CWC27: variants seen among roughly 807,000 people sequenced by gnomAD.
CWC27 encodes CWC27 spliceosome associated cyclophilin.
In CWC27, 47 loss-of-function variants were observed where a neutral mutation model predicts 63.6. The ratio of observed to expected loss-of-function variants is 0.74; its 90% CI spans 0.58 to 0.94. The LOEUF (loss-of-function observed/expected upper bound fraction) is 0.94, where lower values mean the gene tolerates loss of function less well. Ranked by LOEUF, CWC27 falls within the 40% of genes least tolerant of loss-of-function variation. The probability of loss-of-function intolerance (pLI) is 0.00; values close to 1 mark genes in which losing one functional copy is unlikely to be tolerated. For missense variants in CWC27, 495 were observed against 554.3 expected (o/e 0.89, Z 1.07); for synonymous variants, 175 against 179.8 (o/e 0.97, Z 0.22).
rs547789479 is a variant in CWC27, at chr5:64,811,184, C to T, written c.938+6798C>T. Among the ~76,000 whole-genome samples the T allele has an allele frequency of 2.6e-5, 4 of 152,064 alleles. No individual in the cohort carries two copies. In the East Asian group the frequency reaches 7.7e-4, roughly 29 times the overall value. On this transcript the variant is annotated intron_variant, in intron 10 of 13. Transcript: ENST00000381070. Reference sequence around the variant, plus strand: ...TAGTTTGCAGCTTGTTTTGGAAAGTCCTATTTTAAAGCTTATTGTAAAGAA... The same window carrying T: ...TAGTTTGCAGCTTGTTTTGGAAAGTTCTATTTTAAAGCTTATTGTAAAGAA...
chr5:64,984,631 C>T (rs1749390176), intron 13 of CWC27, among the ~76,000 whole-genome samples: 1 of 152,094 alleles, frequency 6.6e-6, no homozygotes, highest in Non-Finnish European at 1.5e-5. Context: ...AGTCTTTTGC[C>T]TATTTGGGAA....
intron 10 of CWC27, among the ~76,000 whole-genome samples, chr5:64,845,188 T>G (rs1339451600): frequency 6.6e-6 from 1 of 152,200 alleles, no homozygotes; most frequent in Admixed American, 6.5e-5. Context: ...TCTGACTCCC[T>G]GGGATCATCA....
chr5:64,788,242 T>A (rs1308842524), intron 6 of CWC27, among the ~76,000 whole-genome samples: 2 of 152,060 alleles, frequency 1.3e-5, no homozygotes, highest in Admixed American at 1.3e-4. Flanking sequence ...CTTTTTTTGG[T>A]GTGTTTTGCT....
chr5:64,770,680 G>A (rs1286832141), intron 1 of CWC27, among the ~76,000 whole-genome samples: 1 of 152,062 alleles, frequency 6.6e-6, no homozygotes. Flanking sequence ...CAAGCATCTG[G>A]AACAGTACTT....
At chr5:64,901,990 A>G (rs1246756620) in intron 11 of CWC27, among the ~76,000 whole-genome samples, 9 of 152,290 alleles carry the variant, frequency 5.9e-5, no homozygotes, top group East Asian at 1.9e-4. Context: ...GGGCAATAAC[A>G]TGTATGAAGC....
intron 11 of CWC27, among the ~76,000 whole-genome samples, chr5:64,960,348 G>A (rs540145002): frequency 5.3e-5 from 8 of 151,746 alleles, no homozygotes; most frequent in South Asian, 4.2e-4. Context: ...TCCTGCTTTC[G>A]TTTTCTCATT....
intron 10 of CWC27, among the ~76,000 whole-genome samples, chr5:64,846,684 C>A (rs1018043244): frequency 2.0e-5 from 3 of 152,010 alleles, no homozygotes; most frequent in Non-Finnish European, 4.4e-5. Context: ...TACCAAACAT[C>A]CAGAAAAAAA....
chr5:64,998,804 G>A (rs1749682974), intron 13 of CWC27, among the ~76,000 whole-genome samples: 2 of 151,106 alleles, frequency 1.3e-5, no homozygotes, highest in Non-Finnish European at 3.0e-5. Flanking sequence ...TTATTTTTTT[G>A]TTCAAGTATT....
At chr5:64,790,960 G>C (rs1307554836) in intron 7 of CWC27, among the ~76,000 whole-genome samples, 1 of 152,082 alleles carries the variant, frequency 6.6e-6, no homozygotes, top group Non-Finnish European at 1.5e-5. Flanking sequence ...TTTTTAGCTA[G>C]TTAAGTCTCT....
At chr5:64,809,019 A>G (rs1000963168) in intron 10 of CWC27, among the ~76,000 whole-genome samples, 59 of 152,174 alleles carry the variant, frequency 3.9e-4, no homozygotes, top group African/African-American at 1.3e-3. Flanking sequence ...CAAACTAAAT[A>G]TATCCATATA....
intron 13 of CWC27, among the ~76,000 whole-genome samples, chr5:64,979,342 G>T (rs2968204): frequency 0.87 from 133,167 of 152,246 alleles, 58,431 homozygotes; most frequent in African/African-American, 0.95. Flanking sequence ...CCTCCAGAAT[G>T]TTTTTGGTAT....
At chr5:64,862,982 G>C (rs1016242213) in intron 10 of CWC27, among the ~76,000 whole-genome samples, 3 of 152,214 alleles carry the variant, frequency 2.0e-5, no homozygotes, top group South Asian at 2.1e-4. Context: ...TTCACCCTCA[G>C]GACCTACTCA....
intron 13 of CWC27, among the ~76,000 whole-genome samples, chr5:65,002,244 CTTT>C (rs1749744338): frequency 6.6e-6 from 1 of 151,596 alleles, no homozygotes; most frequent in South Asian, 2.1e-4. Context: ...TTTTGTTTAT[CTTT>C]TCAAAAAAAC....
At chr5:64,848,472 T>TG (rs1233727644) in intron 10 of CWC27, among the ~76,000 whole-genome samples, 15 of 152,170 alleles carry the variant, frequency 9.9e-5, no homozygotes, top group Admixed American at 1.3e-4. Flanking sequence ...AGGGAATACT[T>TG]TCAAACCCTT....
chr5:64,844,789 C>T lies in CWC27; in HGVS notation c.938+40403C>T, dbSNP rs143620022. ...ATCTTAGAGAAGCATAGAGCCTAGA[C>T]CTGTTTGACCCAGGCAGTCAAACAG... On this transcript the variant is annotated intron_variant, in intron 10 of 13. Transcript: ENST00000381070. 100 of 419,902 alleles carry T rather than the reference C, an allele frequency of 2.4e-4. 1 individual carries two copies. In the Middle Eastern group the frequency reaches 4.7e-3, roughly 20 times the overall value. The allele number at this position is 419,902 out of a possible 1,614,324, so 26.0% of individuals were successfully genotyped here.
chr5:64,911,239 C>T (rs926129529), intron 11 of CWC27, among the ~76,000 whole-genome samples: 17 of 152,206 alleles, frequency 1.1e-4, no homozygotes, highest in African/African-American at 4.1e-4. Flanking sequence ...ATTTGACCTG[C>T]TTGGACTGTA....
At chr5:64,803,005 G>A (rs1260666467) in intron 9 of CWC27, among the ~76,000 whole-genome samples, 1 of 152,122 alleles carries the variant, frequency 6.6e-6, no homozygotes, top group East Asian at 1.9e-4. Context: ...GAGCATGGAA[G>A]GCCTAGGTTG....
chr5:64,964,034 T>C (rs928097551), intron 11 of CWC27, among the ~76,000 whole-genome samples: 2 of 152,256 alleles, frequency 1.3e-5, no homozygotes, highest in African/African-American at 4.8e-5. Context: ...GTAATATGTC[T>C]ACATTATAAA....
intron 11 of CWC27, among the ~76,000 whole-genome samples, chr5:64,905,200 CAAAAAAAA>C (rs71608574): frequency 1.8e-5 from 1 of 55,550 alleles, no homozygotes; most frequent in Non-Finnish European, 3.6e-5. Context: ...CACTACATCT[CAAAAAAAA>C]AAAAAAAAAA....
Sources: allele counts gnomAD v4.1 joint callset (sites outside exome capture counted in the v4.1 genomes callset), GRCh38; gene constraint gnomAD v4.1.1; transcripts MANE v1.5; gene names NCBI Gene and HGNC (gene_info 2026-07-23, HGNC 2026-07-21).